USP32: variants seen among roughly 807,000 people sequenced by gnomAD.
The protein encoded by USP32 is ubiquitin carboxyl-terminal hydrolase 32.
In USP32, 59 loss-of-function variants were observed where a neutral mutation model predicts 204.8. The observed-to-expected ratio is 0.29, with a 90% CI of 0.23 to 0.36. The LOEUF (loss-of-function observed/expected upper bound fraction) is 0.36, where lower values mean the gene tolerates loss of function less well. Ranked by LOEUF, USP32 falls within the 10% of genes least tolerant of loss-of-function variation. The probability of loss-of-function intolerance (pLI) is 1.00; values close to 1 mark genes in which losing one functional copy is unlikely to be tolerated. For synonymous variants in USP32, 517 were observed against 678.4 expected, an observed-to-expected ratio of 0.76 and a Z score of 3.70; for missense variants, 1,160 against 1,946.4, an observed-to-expected ratio of 0.60 and a Z score of 7.60.
Position 60,331,501 on chromosome 17 carries a change from T to C in USP32, c.186+13980A>G, listed in dbSNP as rs951639255. Among the ~76,000 whole-genome samples, 445 of 139,820 alleles carry C rather than the reference T, an allele frequency of 3.2e-3. 1 individual carries two copies. Among genetic ancestry groups the C allele is most frequent in the Non-Finnish European group, 4.6e-3 (293 of 64,318 alleles). 91.7% of individuals were successfully genotyped at this position (139,820 alleles called of 152,430 possible). A position where few individuals can be genotyped will look rare whatever the true frequency, so the allele number is the denominator to read the frequency against. On this transcript the variant is annotated intron_variant, in intron 2 of 33. Transcript: ENST00000300896. ...GATCACTTGAGCCTGGGGAGGTCAA[T>C]GCTGCAGTGAGCTGTGATCATGCCA...
At position 60,366,581 on chromosome 17, in the gene USP32, G is replaced by A. The variant is rs562912100; in HGVS notation, c.59-20973C>T. 2.6e-5 allele frequency among the ~76,000 whole-genome samples: 4 copies of A among 152,024 alleles called. No homozygotes were observed. The South Asian group carries it at 8.3e-4, about 32-fold the overall frequency. Reference sequence around the variant, plus strand: ...GCACCCAGCCCGCCATTTTTTAATGGTAATAGTTCTTGGACTATGACATTT... The same window carrying A: ...GCACCCAGCCCGCCATTTTTTAATGATAATAGTTCTTGGACTATGACATTT... On this transcript the variant is annotated intron_variant, in intron 1 of 33. Coordinates refer to ENST00000300896, the MANE Select transcript of USP32 (RefSeq NM_032582.4).
At chr17:60,267,030 C>A (rs930322445) in intron 7 of USP32, among the ~76,000 whole-genome samples, 4 of 150,826 alleles carry the variant, frequency 2.7e-5, no homozygotes, top group Non-Finnish European at 5.9e-5. Flanking sequence ...CTCAAGTGAT[C>A]CACCGGCCTT....
At chr17:60,204,626 G>T (rs925938157) in intron 26 of USP32, among the ~76,000 whole-genome samples, 8 of 151,972 alleles carry the variant, frequency 5.3e-5, no homozygotes, top group African/African-American at 1.9e-4. Flanking sequence ...ATGCCACCAT[G>T]CCCAGCTAAT....
At chr17:60,249,798 T>C in intron 11 of USP32, 1 of 699,762 alleles carries the variant, frequency 1.4e-6, no homozygotes, top group South Asian at 1.5e-5. Flanking sequence ...TTAAGTGCTT[T>C]TGGGGAAAGG....
At chr17:60,239,796 C>A (rs1398067855) in intron 11 of USP32, among the ~76,000 whole-genome samples, 1 of 152,132 alleles carries the variant, frequency 6.6e-6, no homozygotes, top group Non-Finnish European at 1.5e-5. Flanking sequence ...GCAAGTGGCA[C>A]AATCTCAGAT....
Position 60,194,246 on chromosome 17 carries a change from G to C in USP32, c.3435-1316C>G, listed in dbSNP as rs569632664. Among the ~76,000 whole-genome samples the C allele has an allele frequency of 2.0e-5, 3 of 152,146 alleles. No homozygotes were observed. In the South Asian group the frequency reaches 6.2e-4, roughly 32 times the overall value. On this transcript the variant is annotated intron_variant, in intron 27 of 33. Transcript: ENST00000300896. ...TTTTGTAAAGACAGTATTTCACCAT[G>C]TTGTCCAGCCTGGTCTTAAACTCCT...
At chr17:60,278,078 C>T (rs1308553139) in intron 5 of USP32, among the ~76,000 whole-genome samples, 1 of 151,934 alleles carries the variant, frequency 6.6e-6, no homozygotes, top group Non-Finnish European at 1.5e-5. Context: ...AGCTAATTTT[C>T]AAATTTTTTG....
Position 60,205,672 on chromosome 17 carries a change from G to C in USP32, c.3038-14C>G. The C allele has an allele frequency of 6.2e-7, 1 of 1,613,686 alleles. No homozygotes were observed. The highest frequency in any genetic ancestry group is 2.2e-5 in the East Asian group (1 of 44,874). ...AAGAGGAGAAATCTACAAATTCAAA[G>C]ATAAGTACAGTATCATAAGCTTGTG... On this transcript the variant is annotated splice_polypyrimidine_tract_variant and intron_variant, in intron 25 of 33. Coordinates refer to ENST00000300896, the MANE Select transcript of USP32 (RefSeq NM_032582.4).
At chr17:60,288,150 G>A (rs1285490225) in intron 5 of USP32, among the ~76,000 whole-genome samples, 1 of 149,472 alleles carries the variant, frequency 6.7e-6, no homozygotes, top group African/African-American at 2.5e-5. Context: ...AGTCTTGGCT[G>A]GGCACAGTGA....
At chr17:60,184,346 C>T (rs2084193362) in intron 30 of USP32, among the ~76,000 whole-genome samples, 2 of 151,284 alleles carry the variant, frequency 1.3e-5, no homozygotes, top group African/African-American at 2.4e-5. Context: ...CCCCCTCCTC[C>T]CCACCCACCT....
intron 1 of USP32, among the ~76,000 whole-genome samples, chr17:60,403,233 G>GT (rs1229406169): frequency 2.6e-5 from 4 of 152,148 alleles, no homozygotes; most frequent in African/African-American, 9.7e-5. Context: ...GGCCAGGATG[G>GT]TCTTGATCTC....
rs567861301 is a variant in USP32, at chr17:60,402,268, T to C, written c.106+19978A>G. Among the ~76,000 whole-genome samples the C allele has an allele frequency of 5.8e-5, 8 of 137,510 alleles. 1 individual carries two copies. The highest frequency in any genetic ancestry group is 7.3e-5 in the Admixed American group (1 of 13,752). 90.2% of individuals were successfully genotyped at this position (137,510 alleles called of 152,430 possible). Reference sequence around the variant, plus strand: ...TATCTTTTTTTTTTTTTTTTTTTTTTAATACAGAGTCTCACTCTGTTGCCC... The same window carrying C: ...TATCTTTTTTTTTTTTTTTTTTTTTCAATACAGAGTCTCACTCTGTTGCCC... On this transcript the variant is annotated intron_variant, in intron 1 of 3. Coordinates refer to the USP32 transcript ENST00000588898.
intron 1 of USP32, among the ~76,000 whole-genome samples, chr17:60,377,914 T>G (rs949011256): frequency 3.3e-5 from 5 of 152,172 alleles, no homozygotes; most frequent in African/African-American, 7.2e-5. Flanking sequence ...CTACATACAT[T>G]ATTTCATCAA....
intron 29 of USP32, among the ~76,000 whole-genome samples, chr17:60,186,245 T>C (rs2084248551): frequency 6.6e-6 from 1 of 152,244 alleles, no homozygotes; most frequent in Non-Finnish European, 1.5e-5. Flanking sequence ...TTTAACAACT[T>C]TGGAATCCTA....
chr17:60,411,283 G>T (rs1007391263), intron 1 of USP32, among the ~76,000 whole-genome samples: 1 of 151,272 alleles, frequency 6.6e-6, no homozygotes, highest in South Asian at 2.1e-4. Flanking sequence ...GAGATTGCCC[G>T]ATTGCACTCC....
chr17:60,203,033 T>C (rs974599253), intron 26 of USP32, among the ~76,000 whole-genome samples: 2 of 149,504 alleles, frequency 1.3e-5, no homozygotes, highest in Non-Finnish European at 3.0e-5. Flanking sequence ...AAGAAAGCAT[T>C]CTCTCCTAGA....
intron 5 of USP32, among the ~76,000 whole-genome samples, chr17:60,273,663 A>T (rs1366851039): frequency 1.3e-5 from 2 of 152,166 alleles, no homozygotes; most frequent in Non-Finnish European, 2.9e-5. Context: ...AGGATTAAAA[A>T]TTAGTCAATA....
chr17:60,314,779 T>C (rs2087934171), intron 2 of USP32, among the ~76,000 whole-genome samples: 1 of 151,922 alleles, frequency 6.6e-6, no homozygotes, highest in Admixed American at 6.6e-5. Context: ...CAAACAAAGG[T>C]ATATAATACA....
intron 1 of USP32, chr17:60,422,232 T>G: frequency 3.1e-6 from 1 of 320,310 alleles, no homozygotes; most frequent in Admixed American, 4.6e-5. Flanking sequence ...GGAAAATGAG[T>G]TCAACAGCCT....
Sources: gnomAD v4.1 joint callset for allele counts (sites outside exome capture counted in the v4.1 genomes callset) on GRCh38, gnomAD v4.1.1 for gene constraint, MANE v1.5 for transcripts, NCBI Gene and HGNC (gene_info 2026-07-23, HGNC 2026-07-21) for gene names.